TRPC4: variants seen among roughly 807,000 people sequenced by gnomAD.
TRPC4 encodes short transient receptor potential channel 4.
A neutral mutation model predicts 99.4 loss-of-function variants in TRPC4; 49 were observed. The ratio of observed to expected loss-of-function variants is 0.49; its 90% confidence interval spans 0.39 to 0.63. The LOEUF (loss-of-function observed/expected upper bound fraction) is 0.63, where lower values mean the gene tolerates loss of function less well. TRPC4 is among the 20% of genes least tolerant of loss of function. The probability of loss-of-function intolerance (pLI) is 0.00; values close to 1 mark genes in which losing one functional copy is unlikely to be tolerated. For synonymous variants in TRPC4, 454 were observed against 425.9 expected (o/e 1.07, Z -0.81); for missense variants, 898 against 1,152.9 (o/e 0.78, Z 3.20).
chr13:37,670,491 G>T (rs1046839676), intron 5 of TRPC4, among the ~76,000 whole-genome samples: 1 of 152,096 alleles, frequency 6.6e-6, no homozygotes, highest in East Asian at 1.9e-4. Context: ...CGGTAATCCC[G>T]TCTGAAGCAA....
intron 2 of TRPC4, among the ~76,000 whole-genome samples, chr13:37,747,681 A>G (rs923082927): frequency 1.3e-5 from 2 of 152,198 alleles, no homozygotes; most frequent in Non-Finnish European, 2.9e-5. Flanking sequence ...AATTACACAC[A>G]TTTTAAAGTC....
intron 3 of TRPC4, among the ~76,000 whole-genome samples, chr13:37,693,871 A>T (rs761767173): frequency 2.7e-4 from 41 of 152,198 alleles, no homozygotes; most frequent in Admixed American, 1.1e-3. Flanking sequence ...CAGATAAAAT[A>T]GTATGGTTTT....
At chr13:37,719,507 G>A (rs1451150143) in intron 3 of TRPC4, among the ~76,000 whole-genome samples, 3 of 152,110 alleles carry the variant, frequency 2.0e-5, no homozygotes, top group Non-Finnish European at 4.4e-5. Flanking sequence ...AGTAAGGAAT[G>A]AAGAACATTA....
At chr13:37,828,401 T>C (rs2139580247) in intron 1 of TRPC4, among the ~76,000 whole-genome samples, 1 of 152,294 alleles carries the variant, frequency 6.6e-6, no homozygotes, top group South Asian at 2.1e-4. Flanking sequence ...GATAATTAGT[T>C]CCGGCATTGT....
intron 2 of TRPC4, among the ~76,000 whole-genome samples, chr13:37,768,916 A>G (rs1428592888): frequency 6.6e-6 from 1 of 151,464 alleles, no homozygotes; most frequent in Admixed American, 6.6e-5. Context: ...TATTATTTTC[A>G]TCCTACAATG....
intron 1 of TRPC4, among the ~76,000 whole-genome samples, chr13:37,824,419 T>C (rs1379578640): frequency 3.3e-5 from 5 of 152,002 alleles, no homozygotes; most frequent in Admixed American, 6.6e-5. Flanking sequence ...TTGTCATAGA[T>C]AGCTCTTATT....
At position 37,637,497 on chromosome 13, in the gene TRPC4, C is replaced by G. The variant is rs2138518367; in HGVS notation, c.2340G>C (p.Lys780Asn). The change falls in exon 11 of 11, where the codon AAG (lysine) becomes AAC (asparagine). Residue 780 changes from lysine (K) to asparagine (N), a missense_variant. Coordinates refer to ENST00000379705, the MANE Select transcript of TRPC4 (RefSeq NM_016179.4). The stretch of plus-strand genomic sequence containing the variant: ...CCTTGCTATTACCTTCGCTATCACT[C>G]TTTTCATCTGAGTCTGCCGAATTTG... ...ESSNSADSDEKSDSEGNSKDK... is the reference protein window; with the variant it reads ...ESSNSADSDENSDSEGNSKDK... 1.2e-6 allele frequency: 2 copies of G among 1,613,798 alleles called. No individual in the cohort carries two copies. Among genetic ancestry groups the G allele is most frequent in the Non-Finnish European group, 1.7e-6 (2 of 1,179,776 alleles).
At chr13:37,642,913 T>C (rs1001577897) in intron 8 of TRPC4, among the ~76,000 whole-genome samples, 2 of 152,024 alleles carry the variant, frequency 1.3e-5, no homozygotes, top group African/African-American at 4.8e-5. Context: ...GTATTTTTAA[T>C]AGAGACGGGG....
In TRPC4 at chr13:37,684,814, C is replaced by T. The variant is rs1431996019; in HGVS notation, c.1234+7185G>A. 9.9e-5 allele frequency among the ~76,000 whole-genome samples: 15 copies of T among 151,606 alleles called. 1 individual carries two copies. In the South Asian group the frequency reaches 2.9e-3, roughly 30 times the overall value. ...CCCCTTACACACACACACACACACA[C>T]ACACACACACACACACACACACAGA... On this transcript the variant is annotated intron_variant, in intron 4 of 10. Coordinates refer to ENST00000379705, the MANE Select transcript of TRPC4 (RefSeq NM_016179.4).
At chr13:37,676,267 GAAAA>G (rs10710897) in intron 4 of TRPC4, among the ~76,000 whole-genome samples, 1 of 128,252 alleles carries the variant, frequency 7.8e-6, no homozygotes, top group African/African-American at 3.0e-5. Context: ...AAGCAGCCAA[GAAAA>G]AAAAAAAAAG....
At chr13:37,732,215 G>T (rs1200900575) in intron 3 of TRPC4, among the ~76,000 whole-genome samples, 1 of 152,132 alleles carries the variant, frequency 6.6e-6, no homozygotes, top group Non-Finnish European at 1.5e-5. Flanking sequence ...TGTGGTAAAT[G>T]TACATGCTCT....
intron 2 of TRPC4, among the ~76,000 whole-genome samples, chr13:37,753,573 GAA>G (rs60505575): frequency 0.47 from 55,478 of 119,228 alleles, 11,871 homozygotes; most frequent in Non-Finnish European, 0.55. Flanking sequence ...GAGAGAGAGA[GAA>G]AGAGAGAGAG....
intron 3 of TRPC4, 91 bp from the exon 4 acceptor site, chr13:37,692,426 A>T (rs532204142): frequency 8.7e-7 from 1 of 1,154,940 alleles, no homozygotes; most frequent in East Asian, 2.5e-5. Flanking sequence ...TGATCTTTAA[A>T]GACAGAAATT....
intron 1 of TRPC4, among the ~76,000 whole-genome samples, chr13:37,833,421 A>G (rs1958476350): frequency 6.6e-6 from 1 of 152,186 alleles, no homozygotes; most frequent in Non-Finnish European, 1.5e-5. Context: ...ATCTGGGCAT[A>G]TTCTTAGGAT....
intron 3 of TRPC4, among the ~76,000 whole-genome samples, chr13:37,726,501 A>C (rs1052603926): frequency 2.6e-5 from 4 of 152,200 alleles, no homozygotes; most frequent in African/African-American, 9.6e-5. Flanking sequence ...TATACACAAA[A>C]GAAAATGAGA....
Position 37,708,000 on chromosome 13 carries a change from A to C in TRPC4, c.898-15665T>G, listed in dbSNP as rs144831224. Among the ~76,000 whole-genome samples, 70 of 152,098 alleles carry C rather than the reference A, an allele frequency of 4.6e-4. No homozygotes were observed. The East Asian group carries it at 0.013, about 27-fold the overall frequency. On this transcript the variant is annotated intron_variant, in intron 3 of 10. Coordinates refer to ENST00000379705, the MANE Select transcript of TRPC4 (RefSeq NM_016179.4). ...TCTCCTGACCTTTACTGACTGGGGGAGGAGGAAAAGTTAACAGTCCTCATG... is the reference window on the plus strand; with the variant it reads ...TCTCCTGACCTTTACTGACTGGGGGCGGAGGAAAAGTTAACAGTCCTCATG...
intron 8 of TRPC4, among the ~76,000 whole-genome samples, chr13:37,644,275 A>T (rs1241201627): frequency 1.3e-5 from 2 of 152,190 alleles, no homozygotes; most frequent in African/African-American, 2.4e-5. Context: ...TCTTATAATT[A>T]TCACTGGAAA....
intron 2 of TRPC4, among the ~76,000 whole-genome samples, chr13:37,774,021 T>C (rs1482398776): frequency 6.6e-6 from 1 of 151,776 alleles, no homozygotes; most frequent in Admixed American, 6.6e-5. Flanking sequence ...CACATTTATA[T>C]ATAATGGTAC....
chr13:37,772,924 C>T (rs904300465), intron 2 of TRPC4, among the ~76,000 whole-genome samples: 2 of 151,696 alleles, frequency 1.3e-5, no homozygotes, highest in Non-Finnish European at 1.5e-5. Context: ...GTGCTGTTCT[C>T]GCCTCCCCCT....
Sources: allele counts gnomAD v4.1 joint callset (sites outside exome capture counted in the v4.1 genomes callset), GRCh38; gene constraint gnomAD v4.1.1; transcripts MANE v1.5; gene names NCBI Gene and HGNC (gene_info 2026-07-23, HGNC 2026-07-21).